MAN1A2: variants seen among roughly 807,000 people sequenced by gnomAD.
The protein encoded by MAN1A2 is mannosidase alpha class 1A member 2.
A neutral mutation model predicts 75.7 loss-of-function variants in MAN1A2; 26 were observed. The ratio of observed to expected loss-of-function variants is 0.34; its 90% CI spans 0.25 to 0.48. The LOEUF (loss-of-function observed/expected upper bound fraction) is 0.48. Ranked by LOEUF, MAN1A2 falls within the 20% of genes least tolerant of loss-of-function variation. The probability of loss-of-function intolerance (pLI) is 0.99; values close to 1 mark genes in which losing one functional copy is unlikely to be tolerated. For missense variants in MAN1A2, 562 were observed against 775.5 expected (o/e 0.72, Z 3.27); for synonymous variants, 247 against 264.6 (o/e 0.93, Z 0.65).
intron 12 of MAN1A2, among the ~76,000 whole-genome samples, chr1:117,509,621 G>A (rs1183215203): frequency 6.6e-6 from 1 of 151,882 alleles, no homozygotes; most frequent in African/African-American, 2.4e-5. Flanking sequence ...GAACAAGCAT[G>A]CATGCAATCA....
intron 1 of MAN1A2, among the ~76,000 whole-genome samples, chr1:117,387,422 G>T (rs748729974): frequency 6.6e-6 from 1 of 152,140 alleles, no homozygotes; most frequent in Admixed American, 6.5e-5. Flanking sequence ...TGATTGTTAT[G>T]ATTTCAATTG....
At chr1:117,438,197 T>C (rs1648906910) in intron 5 of MAN1A2, among the ~76,000 whole-genome samples, 1 of 152,240 alleles carries the variant, frequency 6.6e-6, no homozygotes, top group Admixed American at 6.5e-5. Context: ...TTAATGATCC[T>C]GACCCTGTGT....
chr1:117,413,603 T>A (rs950626421), intron 3 of MAN1A2, among the ~76,000 whole-genome samples: 1 of 151,858 alleles, frequency 6.6e-6, no homozygotes, highest in Admixed American at 6.6e-5. Context: ...TTTGATACTT[T>A]CTGTTGTAGA....
chr1:117,379,195 G>A (rs762946852), intron 1 of MAN1A2, among the ~76,000 whole-genome samples: 13 of 151,736 alleles, frequency 8.6e-5, no homozygotes, highest in African/African-American at 2.7e-4. Context: ...ATATTTTTCC[G>A]TATGGGTATC....
At chr1:117,383,474 A>G (rs1653420947) in intron 1 of MAN1A2, among the ~76,000 whole-genome samples, 1 of 152,180 alleles carries the variant, frequency 6.6e-6, no homozygotes. Context: ...GTCTCATAAA[A>G]TGAATTAGGA....
At chr1:117,403,772 C>T (rs1365840103) in intron 2 of MAN1A2, among the ~76,000 whole-genome samples, 6 of 151,522 alleles carry the variant, frequency 4.0e-5, no homozygotes, top group Non-Finnish European at 5.9e-5. Context: ...TTTTTCTTGT[C>T]GTACTGCAGT....
At chr1:117,422,763 T>G (rs992774794) in intron 5 of MAN1A2, among the ~76,000 whole-genome samples, 10 of 151,896 alleles carry the variant, frequency 6.6e-5, no homozygotes, top group Admixed American at 2.0e-4. Flanking sequence ...AAAATTTTTG[T>G]TTTTTTTGAA....
intron 5 of MAN1A2, among the ~76,000 whole-genome samples, chr1:117,438,967 A>G (rs1207421314): frequency 1.3e-5 from 2 of 152,216 alleles, no homozygotes; most frequent in East Asian, 3.9e-4. Context: ...GGCATAAAGG[A>G]GTTTAAATTT....
chr1:117,402,116 G>A (rs149028133), intron 1 of MAN1A2, 70 bp from the exon 2 acceptor site: 1 of 1,449,210 alleles, frequency 6.9e-7, no homozygotes, highest in East Asian at 2.3e-5. Flanking sequence ...AAACCTTTAT[G>A]TTTTATATTT....
At chr1:117,414,030 T>G (rs1018090284) in intron 3 of MAN1A2, among the ~76,000 whole-genome samples, 1 of 151,882 alleles carries the variant, frequency 6.6e-6, no homozygotes, top group African/African-American at 2.4e-5. Context: ...CTTCCTCCCT[T>G]TCTCTCTTGC....
At chr1:117,492,210 A>G (rs931771739) in intron 8 of MAN1A2, among the ~76,000 whole-genome samples, 1 of 152,094 alleles carries the variant, frequency 6.6e-6, no homozygotes, top group Non-Finnish European at 1.5e-5. Flanking sequence ...GAAATCAAAC[A>G]GGAAGAATCA....
At chr1:117,431,138 A>C (rs971532560) in intron 5 of MAN1A2, among the ~76,000 whole-genome samples, 1 of 120,982 alleles carries the variant, frequency 8.3e-6, no homozygotes, top group African/African-American at 3.1e-5. Context: ...CAGTGAGCCG[A>C]GATGGCAGCA....
At chr1:117,493,531 A>G in intron 9 of MAN1A2, 1 of 244,838 alleles carries the variant, frequency 4.1e-6, no homozygotes, top group Non-Finnish European at 8.0e-6. Flanking sequence ...CTGTAATCTC[A>G]GCACTTTGGG....
intron 5 of MAN1A2, among the ~76,000 whole-genome samples, chr1:117,425,040 A>C (rs568824305): frequency 8.0e-4 from 122 of 151,690 alleles, no homozygotes; most frequent in African/African-American, 2.7e-3. Flanking sequence ...GAGAAATAAA[A>C]CCGATTTCTT....
chr1:117,481,618 G>A (rs1650499525), intron 8 of MAN1A2, among the ~76,000 whole-genome samples: 1 of 151,964 alleles, frequency 6.6e-6, no homozygotes, highest in Non-Finnish European at 1.5e-5. Context: ...GTGTCTGCAG[G>A]TAGATGACAA....
chr1:117,449,638 C>T (rs1649343891), intron 6 of MAN1A2, among the ~76,000 whole-genome samples: 1 of 151,788 alleles, frequency 6.6e-6, no homozygotes. Context: ...AAAAGCTAGG[C>T]CTCTTGTGCC....
chr1:117,376,289 G>A (rs1653141863), intron 1 of MAN1A2, among the ~76,000 whole-genome samples: 1 of 130,838 alleles, frequency 7.6e-6, no homozygotes. Context: ...AATAGGTCGA[G>A]GCAGACATCC....
rs1273655884 is a variant in MAN1A2, at chr1:117,511,207, G to A, written c.1793+8237G>A. Among the ~76,000 whole-genome samples the A allele has an allele frequency of 3.9e-5, 6 of 152,050 alleles. No homozygotes were observed. In the East Asian group the frequency reaches 1.2e-3, roughly 30 times the overall value. ...TCATTATCAGGAGAACAATATGGGGGAAACCACCCCCATGATCCAGTCACC... is the reference window on the plus strand; with the variant it reads ...TCATTATCAGGAGAACAATATGGGGAAAACCACCCCCATGATCCAGTCACC... On this transcript the variant is annotated intron_variant, in intron 12 of 12. Transcript: ENST00000356554.
intron 5 of MAN1A2, among the ~76,000 whole-genome samples, chr1:117,422,775 TATTAA>T (rs746740033): frequency 1.3e-5 from 2 of 152,066 alleles, no homozygotes; most frequent in Non-Finnish European, 2.9e-5. Context: ...TTTTTTGAAT[TATTAA>T]ATTGTGATAG....
Sources: allele counts gnomAD v4.1 joint callset (sites outside exome capture counted in the v4.1 genomes callset), GRCh38; gene constraint gnomAD v4.1.1; transcripts MANE v1.5; gene names NCBI Gene and HGNC (gene_info 2026-07-23, HGNC 2026-07-21).